The following THEM6 variants were observed in gnomAD, a reference collection of about 807,000 sequenced individuals.
THEM6 encodes the protein thioesterase superfamily member 6, also known as protein THEM6.
Under a neutral mutation model 13.7 loss-of-function variants are expected in THEM6, and 10 were observed. The ratio of observed to expected loss-of-function variants is 0.73; its 90% CI spans 0.45 to 1.24. The LOEUF is 1.24. Among genes scored for constraint, THEM6 ranks in the 50% most tolerant of loss-of-function variants. The pLI is 0.00. For synonymous variants in THEM6, 161 were observed against 156.0 expected, an observed-to-expected ratio of 1.03 and a Z score of -0.24; for missense variants, 317 against 312.6, an observed-to-expected ratio of 1.01 and a Z score of -0.11.
intron 1 of THEM6, 21 bp downstream of exon 1, chr8:142,727,880 GC>G: frequency 1.4e-6 from 2 of 1,388,548 alleles, no homozygotes; most frequent in Non-Finnish European, 1.9e-6. Context: ...CCCGCCCCTG[GC>G]CCCGGAGCAC....
chr8:142,729,468 T>G (rs1332185671), intron 1 of THEM6, among the ~76,000 whole-genome samples: 5 of 152,236 alleles, frequency 3.3e-5, no homozygotes, highest in Admixed American at 6.5e-5. Flanking sequence ...GATTTGCATC[T>G]TGATACTCTC....
intron 1 of THEM6, among the ~76,000 whole-genome samples, 197 bp downstream of exon 1, chr8:142,728,056 G>A (rs1254147097): frequency 6.6e-6 from 1 of 152,082 alleles, no homozygotes; most frequent in Non-Finnish European, 1.5e-5. Context: ...TTGTTCGTGG[G>A]GGTTCCTAGG....
At chr8:142,735,078 T>C (rs1815728866) in intron 1 of THEM6, 1 of 488,700 alleles carries the variant, frequency 2.0e-6, no homozygotes, top group African/African-American at 1.9e-5. Flanking sequence ...ACCTGCCAAC[T>C]TCACGGGTTT....
Position 142,727,330 on chromosome 8 carries a change from C to T in THEM6, c.-17C>T. 6.7e-7 allele frequency: 1 copy of T among 1,500,674 alleles called. No individual in the cohort carries two copies. The highest frequency in any genetic ancestry group is 2.7e-5 in the East Asian group (1 of 36,694). 93.0% of individuals were successfully genotyped at this position (1,500,674 alleles called of 1,614,324 possible). On this transcript the variant is annotated 5_prime_UTR_variant, in exon 1 of 2. Transcript: ENST00000336138. ...GCGCCACGGACTCCGCAGGACCCCG[C>T]GCCCGCCGCCGCCGCTATGCTGGGG...
At chr8:142,732,116 C>T (rs1815657475) in intron 1 of THEM6, among the ~76,000 whole-genome samples, 1 of 137,264 alleles carries the variant, frequency 7.3e-6, no homozygotes, top group Non-Finnish European at 1.6e-5. Context: ...GGGAGTGAAG[C>T]TTAGCCTTTT....
In THEM6 at chr8:142,727,472, T is replaced by C; in HGVS notation, c.126T>C (p.Arg42=). Residue 42 remains arginine (R), a synonymous_variant, in exon 1 of 2, where the codon CGT becomes CGC. Transcript: ENST00000336138. ...CGCGCCTGCTGCAGCCGCGCGTCCG[T>C]GACCTGCTAGCTGAGCAGCGCTTCC... ...LRARLLQPRV[R]DLLAEQRFPG... 6.4e-7 allele frequency: 1 copy of C among 1,573,752 alleles called. No individual in the cohort carries two copies. The highest frequency in any genetic ancestry group is 8.6e-7 in the Non-Finnish European group (1 of 1,167,918).
At chr8:142,730,045 C>T (rs1314962982) in intron 1 of THEM6, among the ~76,000 whole-genome samples, 3 of 152,046 alleles carry the variant, frequency 2.0e-5, no homozygotes, top group Non-Finnish European at 2.9e-5. Flanking sequence ...GCATTCAAGG[C>T]GGTGGTCTGA....
rs58263738 is a variant in THEM6, at chr8:142,728,937, C to CTT, written c.513+1097_513+1098dup. Among the ~76,000 whole-genome samples, 909 of 107,256 alleles carry CTT rather than the reference C, an allele frequency of 8.5e-3. 35 individuals are homozygous for CTT. Among genetic ancestry groups the CTT allele is most frequent in the East Asian group, 0.035 (131 of 3,778 alleles). 70.4% of individuals were successfully genotyped at this position (107,256 alleles called of 152,430 possible). ...TTGCAAGAATCAATATTACTATTTT[C>CTT]TTTTTTTTTTTTTTTTTTTTCAGAC... On this transcript the variant is annotated intron_variant, in intron 1 of 1. Transcript: ENST00000336138.
Position 142,729,229 on chromosome 8 carries a change from T to G in THEM6, c.513+1370T>G, listed in dbSNP as rs1002961370. 2.6e-5 allele frequency among the ~76,000 whole-genome samples: 4 copies of G among 152,202 alleles called. 1 individual carries two copies. The East Asian group carries it at 5.8e-4, about 22-fold the overall frequency. Reference sequence around the variant, plus strand: ...AGTAAACATTATTAATTTGTTCCCTTAACTGTGTTTGAAACGCTTGTTCCC... The same window carrying G: ...AGTAAACATTATTAATTTGTTCCCTGAACTGTGTTTGAAACGCTTGTTCCC... On this transcript the variant is annotated intron_variant, in intron 1 of 1. Coordinates refer to ENST00000336138, the MANE Select transcript of THEM6 (RefSeq NM_016647.3).
intron 1 of THEM6, among the ~76,000 whole-genome samples, chr8:142,730,295 C>A (rs1815617713): frequency 6.6e-6 from 1 of 152,006 alleles, no homozygotes. Flanking sequence ...CCCAGGCTGG[C>A]TCAAGTTTTT....
In THEM6 at chr8:142,732,204, A is replaced by ATATATATG. The variant is rs1382315215; in HGVS notation, c.514-3119_514-3118insATATGTAT. 1.5e-4 allele frequency among the ~76,000 whole-genome samples: 15 copies of ATATATATG among 102,678 alleles called. 1 individual carries two copies. The highest frequency in any genetic ancestry group is 5.9e-4 in the African/African-American group (14 of 23,616). 67.4% of individuals were successfully genotyped at this position (102,678 alleles called of 152,430 possible). A position where few individuals can be genotyped will look rare whatever the true frequency, so the allele number is the denominator to read the frequency against. ...TATATATATATATATATATATATAT[A>ATATATATG]TATTTTAACTACTGGAGGTTTGTGT... On this transcript the variant is annotated intron_variant, in intron 1 of 1. Coordinates refer to ENST00000336138, the MANE Select transcript of THEM6 (RefSeq NM_016647.3).
At chr8:142,729,358 G>C (rs1554642743) in intron 1 of THEM6, among the ~76,000 whole-genome samples, 1 of 152,212 alleles carries the variant, frequency 6.6e-6, no homozygotes, top group African/African-American at 2.4e-5. Context: ...TTTGCCATGA[G>C]AGTACACCGA....
At chr8:142,733,485 G>A (rs907870144) in intron 1 of THEM6, among the ~76,000 whole-genome samples, 4 of 152,206 alleles carry the variant, frequency 2.6e-5, no homozygotes, top group Non-Finnish European at 2.9e-5. Context: ...AACATCTAGA[G>A]GCTCGGAATG....
intron 1 of THEM6, 140 bp from the exon 2 acceptor site, chr8:142,735,186 C>T (rs1319366911): frequency 1.5e-6 from 1 of 662,024 alleles, no homozygotes; most frequent in Non-Finnish European, 2.7e-6. Flanking sequence ...GTGTGCAGAG[C>T]CTGGGGAGGC....
At chr8:142,728,422 C>T (rs941440810) in intron 1 of THEM6, among the ~76,000 whole-genome samples, 3 of 152,236 alleles carry the variant, frequency 2.0e-5, no homozygotes, top group Non-Finnish European at 2.9e-5. Context: ...AGGGCTCGCT[C>T]CTCCCAGCAG....
At chr8:142,732,204 A>ATATT (rs1554643008) in intron 1 of THEM6, among the ~76,000 whole-genome samples, 3 of 102,678 alleles carry the variant, frequency 2.9e-5, no homozygotes, top group Non-Finnish European at 5.6e-5. Flanking sequence ...ATATATATAT[A>ATATT]TATTTTAACT....
intron 1 of THEM6, among the ~76,000 whole-genome samples, chr8:142,733,549 C>T (rs1216607352): frequency 6.6e-6 from 1 of 152,172 alleles, no homozygotes. Context: ...CCAGCCCTCA[C>T]TCAAAATGGA....
intron 1 of THEM6, among the ~76,000 whole-genome samples, chr8:142,728,512 A>G (rs1386582963): frequency 1.3e-5 from 2 of 152,252 alleles, no homozygotes; most frequent in African/African-American, 4.8e-5. Context: ...AGTTGCCAGA[A>G]AAGTTGCCTG....
intron 1 of THEM6, among the ~76,000 whole-genome samples, chr8:142,728,644 A>T (rs955349048): frequency 5.9e-5 from 9 of 152,332 alleles, no homozygotes; most frequent in African/African-American, 2.2e-4. Flanking sequence ...CTCAGTCCTG[A>T]TGTTACAGGA....
Sources: gnomAD v4.1 joint callset for allele counts (sites outside exome capture counted in the v4.1 genomes callset) on GRCh38, gnomAD v4.1.1 for gene constraint, MANE v1.5 for transcripts, NCBI Gene and HGNC (gene_info 2026-07-23, HGNC 2026-07-21) for gene names.